Variants in GRIK1 observed in about 807,000 individuals in gnomAD.
GRIK1 encodes the protein glutamate ionotropic receptor kainate type subunit 1.
A neutral mutation model predicts 105.7 loss-of-function variants in GRIK1; 69 were observed. The observed-to-expected ratio is 0.65, with a 90% CI of 0.54 to 0.80. The LOEUF (loss-of-function observed/expected upper bound fraction) is 0.80. Ranked by LOEUF, GRIK1 falls within the 30% of genes least tolerant of loss-of-function variation. GRIK1 has a pLI of 0.00. For synonymous variants in GRIK1, 438 were observed against 431.3 expected (o/e 1.02, Z -0.19); for missense variants, 1,109 against 1,167.3 (o/e 0.95, Z 0.73).
At chr21:29,869,159 C>A (rs758502332) in intron 1 of GRIK1, among the ~76,000 whole-genome samples, 1 of 152,156 alleles carries the variant, frequency 6.6e-6, no homozygotes, top group Non-Finnish European at 1.5e-5. Context: ...TTTCACAGAC[C>A]TTTTCCGACT....
chr21:29,655,587 C>A (rs1044839924), intron 4 of GRIK1, among the ~76,000 whole-genome samples: 2 of 152,078 alleles, frequency 1.3e-5, no homozygotes, highest in African/African-American at 4.8e-5. Flanking sequence ...GAGTAGAACT[C>A]ATTAAATGTT....
chr21:29,747,882 C>A (rs950595225), intron 1 of GRIK1, among the ~76,000 whole-genome samples: 1 of 152,128 alleles, frequency 6.6e-6, no homozygotes, highest in East Asian at 1.9e-4. Context: ...ATTTCAGTAG[C>A]CCACTGAAGA....
intron 7 of GRIK1, among the ~76,000 whole-genome samples, chr21:29,613,006 TC>T (rs2061764187): frequency 1.3e-5 from 2 of 152,354 alleles, no homozygotes; most frequent in South Asian, 4.1e-4. Flanking sequence ...GAATCTTGGC[TC>T]TATCTTTGAG....
chr21:29,678,074 A>G (rs1051582222), intron 3 of GRIK1, among the ~76,000 whole-genome samples: 1 of 152,210 alleles, frequency 6.6e-6, no homozygotes, highest in Non-Finnish European at 1.5e-5. Context: ...TGCCATAAGC[A>G]TGAATGTTAT....
At chr21:29,834,776 T>C (rs1377402408) in intron 1 of GRIK1, among the ~76,000 whole-genome samples, 1 of 150,004 alleles carries the variant, frequency 6.7e-6, no homozygotes, top group African/African-American at 2.5e-5. Flanking sequence ...TATTAATTAA[T>C]ATTCATCCAA....
At chr21:29,921,815 T>C (rs891538684) in intron 1 of GRIK1, among the ~76,000 whole-genome samples, 1 of 152,168 alleles carries the variant, frequency 6.6e-6, no homozygotes, top group Non-Finnish European at 1.5e-5. Context: ...CTAGAGGAAA[T>C]TTAGTTGTAG....
chr21:29,706,888 G>A (rs1024686060), intron 1 of GRIK1, among the ~76,000 whole-genome samples: 8 of 151,714 alleles, frequency 5.3e-5, no homozygotes, highest in South Asian at 4.2e-4. Context: ...TTTTTGAGGC[G>A]GAGTCTCGCT....
chr21:29,860,518 A>C (rs1272390220), intron 1 of GRIK1, among the ~76,000 whole-genome samples: 1 of 152,190 alleles, frequency 6.6e-6, no homozygotes, highest in Non-Finnish European at 1.5e-5. Flanking sequence ...CTTGAACCAC[A>C]GGGACAAATT....
chr21:29,654,519 TTTTAC>T (rs777837174), intron 5 of GRIK1, among the ~76,000 whole-genome samples: 1 of 152,210 alleles, frequency 6.6e-6, no homozygotes, highest in Admixed American at 6.5e-5. Context: ...TATGAATAGT[TTTTAC>T]TTTAATAGTT....
intron 3 of GRIK1, among the ~76,000 whole-genome samples, chr21:29,689,249 G>T (rs913433936): frequency 1.3e-5 from 2 of 152,046 alleles, no homozygotes; most frequent in Non-Finnish European, 1.5e-5. Flanking sequence ...CTCATCAATG[G>T]GGATTCATAG....
chr21:29,631,710 G>T (rs1341389630), intron 7 of GRIK1, among the ~76,000 whole-genome samples: 1 of 152,096 alleles, frequency 6.6e-6, no homozygotes, highest in Non-Finnish European at 1.5e-5. Flanking sequence ...AAGTACAATT[G>T]CTCATTAATA....
At chr21:29,800,515 A>G (rs2066676405) in intron 1 of GRIK1, among the ~76,000 whole-genome samples, 2 of 152,242 alleles carry the variant, frequency 1.3e-5, no homozygotes, top group Non-Finnish European at 2.9e-5. Context: ...TTGCAACTTT[A>G]AAAAGGGAAT....
chr21:29,698,711 A>G (rs1392285123), intron 1 of GRIK1, among the ~76,000 whole-genome samples: 2 of 152,200 alleles, frequency 1.3e-5, no homozygotes, highest in East Asian at 3.8e-4. Flanking sequence ...GATCATCATT[A>G]GGAAGCTTGA....
intron 16 of GRIK1, among the ~76,000 whole-genome samples, chr21:29,538,631 C>T (rs1417858432): frequency 6.6e-6 from 1 of 151,906 alleles, no homozygotes; most frequent in Admixed American, 6.6e-5. Flanking sequence ...TATAGAAGTG[C>T]AAGCATACTT....
At chr21:29,779,343 TGTGTGTGTGTGTGTGTGTGCAC>T (rs1324887024) in intron 1 of GRIK1, among the ~76,000 whole-genome samples, 3 of 127,576 alleles carry the variant, frequency 2.4e-5, no homozygotes, top group African/African-American at 8.5e-5. Context: ...TGAGTGTGTG[TGTGTGTGTGTGTGTGTGTGCAC>T]GTGTGTGTGT....
Position 29,939,492 on chromosome 21 carries a change from G to T in GRIK1, c.9C>A (p.His3Gln), listed in dbSNP as rs766297532. Residue 3 changes from histidine to glutamine, a missense_variant, in exon 1 of 18, where the codon CAC becomes CAA. Transcript: ENST00000327783. ...GCCCGGGCTGGGCGAGGAGTGTGCC[G>T]TGCTCCATCTTCCTAGCTTCTTAAT... MEHGTLLAQPGLW... is the reference protein window; with the variant it reads MEQGTLLAQPGLW... 3.8e-6 allele frequency: 6 copies of T among 1,574,668 alleles called. No homozygotes were observed. In the Admixed American group the frequency reaches 1.1e-4, roughly 29 times the overall value.
chr21:29,627,654 T>G (rs1263898736), intron 7 of GRIK1, among the ~76,000 whole-genome samples: 1 of 152,200 alleles, frequency 6.6e-6, no homozygotes, highest in Non-Finnish European at 1.5e-5. Context: ...ACACCTCAGT[T>G]CAACTCTTAT....
chr21:29,687,051 C>T (rs2063498695), intron 3 of GRIK1, among the ~76,000 whole-genome samples: 1 of 152,190 alleles, frequency 6.6e-6, no homozygotes, highest in Non-Finnish European at 1.5e-5. Flanking sequence ...AACTTTGCTC[C>T]TCCTAAGAGT....
At chr21:29,887,667 G>A (rs1329254135) in intron 1 of GRIK1, among the ~76,000 whole-genome samples, 1 of 152,138 alleles carries the variant, frequency 6.6e-6, no homozygotes, top group Non-Finnish European at 1.5e-5. Context: ...GTTCAGTAAT[G>A]CCAGCCTGGA....
Sources: gnomAD v4.1 joint callset for allele counts (sites outside exome capture counted in the v4.1 genomes callset) on GRCh38, gnomAD v4.1.1 for gene constraint, MANE v1.5 for transcripts, NCBI Gene and HGNC (gene_info 2026-07-23, HGNC 2026-07-21) for gene names.